The following MYOM3 variants were observed in gnomAD, a reference collection of about 807,000 sequenced individuals.
The protein encoded by MYOM3 is myomesin-3.
In MYOM3, 155 loss-of-function variants were observed where a neutral mutation model predicts 191.7. The ratio of observed to expected loss-of-function variants is 0.81; its 90% CI spans 0.71 to 0.92. The LOEUF is 0.92. Ranked by LOEUF, MYOM3 falls within the 40% of genes least tolerant of loss-of-function variation. The pLI is 0.00. For missense variants in MYOM3, 1,889 were observed against 1,890.6 expected (o/e 1.00, Z 0.02); for synonymous variants, 757 against 762.9 (o/e 0.99, Z 0.13).
intron 36 of MYOM3, among the ~76,000 whole-genome samples, chr1:24,058,256 T>G (rs949948728): frequency 6.6e-6 from 1 of 152,236 alleles, no homozygotes; most frequent in African/African-American, 2.4e-5. Flanking sequence ...AGTAAGATTA[T>G]ATAGATTTAG....
At chr1:24,094,431 T>A (rs1298330844) in intron 9 of MYOM3, among the ~76,000 whole-genome samples, 1 of 151,762 alleles carries the variant, frequency 6.6e-6, no homozygotes, top group Admixed American at 6.6e-5. Flanking sequence ...CCTCCCAGAG[T>A]GCTAGGATTA....
rs1164499848 is a variant in MYOM3, at chr1:24,093,087, C to T, written c.950G>A (p.Arg317Lys). ...GTCTGTGTAGAGGATCTTCCGACGT[C>T]TCGAGGACCTCAGTAGGCTCCCTGT... ...FRDGSLLRSSRRRKILYTDRQ... is the reference protein window; with the variant it reads ...FRDGSLLRSSKRRKILYTDRQ... Residue 317 changes from arginine (R) to lysine (K), a missense_variant, in exon 10 of 37, where the codon AGA (arginine) becomes AAA (lysine). Arg to Lys is a conservative substitution (Grantham distance 26, BLOSUM62 2). Transcript: ENST00000374434. The T allele has an allele frequency of 1.2e-6, 2 of 1,610,462 alleles. No individual in the cohort carries two copies.
At chr1:24,103,145 C>A (rs779138461) in intron 5 of MYOM3, among the ~76,000 whole-genome samples, 2 of 152,234 alleles carry the variant, frequency 1.3e-5, no homozygotes, top group African/African-American at 2.4e-5. Flanking sequence ...AAGAGGCTTC[C>A]AAGAATGCCT....
At chr1:24,064,238 C>T in intron 29 of MYOM3, 79 bp from the exon 30 acceptor site, 1 of 1,118,166 alleles carries the variant, frequency 8.9e-7, no homozygotes, top group Non-Finnish European at 1.3e-6. Flanking sequence ...GAGGCCTGGG[C>T]TCCAGGCCTG....
chr1:24,063,537 G>T lies in MYOM3; in HGVS notation c.3623-7C>A, dbSNP rs1288193345. ...GTGAAGATGGCATCCAGGGCTGGCG[G>T]GAAACAGAGAGAAGGGTTAGCTGGC... On this transcript the variant is annotated splice_polypyrimidine_tract_variant and splice_region_variant and intron_variant, in intron 30 of 36. Coordinates refer to ENST00000374434, the MANE Select transcript of MYOM3 (RefSeq NM_152372.4). The surrounding 1 kb of genome is among the most constrained non-coding windows in gnomAD (Gnocchi z 4.5). 1.2e-6 allele frequency: 2 copies of T among 1,614,094 alleles called. No homozygotes were observed. The highest frequency in any genetic ancestry group is 1.7e-6 in the Non-Finnish European group (2 of 1,179,986).
At chr1:24,099,647 G>A (rs757689597) in intron 6 of MYOM3, 33 bp downstream of exon 6, 5 of 1,550,302 alleles carry the variant, frequency 3.2e-6, no homozygotes, top group Non-Finnish European at 4.5e-6. Flanking sequence ...GCAGGGTCTG[G>A]GGTCATAGGT....
At chr1:24,075,234 G>A (rs2148547853) in intron 22 of MYOM3, 85 bp downstream of exon 22, 4 of 1,389,854 alleles carry the variant, frequency 2.9e-6, no homozygotes, top group Non-Finnish European at 4.0e-6. Flanking sequence ...GTCCTGCCCT[G>A]TGGTCTCAGC....
At chr1:24,069,877 C>T (rs2148545392) in intron 25 of MYOM3, among the ~76,000 whole-genome samples, 1 of 151,670 alleles carries the variant, frequency 6.6e-6, no homozygotes, top group African/African-American at 2.4e-5. Context: ...TCCCAATGTG[C>T]TGGGATTTCA....
chr1:24,107,057 C>T lies in MYOM3; in HGVS notation c.402+16G>A, dbSNP rs762047377. The T allele has an allele frequency of 3.8e-6, 6 of 1,593,872 alleles. No individual in the cohort carries two copies. The highest frequency in any genetic ancestry group is 2.3e-5 in the South Asian group (2 of 87,580). ...GCAGGTCCCAGGCCCTGGGGCTCCA[C>T]GGCCCACCCCCTTACCCGCCGCCTC... On this transcript the variant is annotated intron_variant, in intron 4 of 36. Coordinates refer to ENST00000374434, the MANE Select transcript of MYOM3 (RefSeq NM_152372.4).
intron 14 of MYOM3, among the ~76,000 whole-genome samples, chr1:24,089,082 T>C (rs1376883547): frequency 1.3e-5 from 2 of 152,108 alleles, no homozygotes; most frequent in African/African-American, 2.4e-5. Context: ...CACTCCCCAG[T>C]GAGAGCCACC....
intron 14 of MYOM3, among the ~76,000 whole-genome samples, chr1:24,088,558 G>A (rs1463708877): frequency 2.0e-5 from 3 of 152,136 alleles, no homozygotes; most frequent in Non-Finnish European, 4.4e-5. Context: ...CTACCACCTT[G>A]TGAAACAAAT....
chr1:24,079,568 C>T (rs1372558380), intron 20 of MYOM3, among the ~76,000 whole-genome samples: 1 of 152,138 alleles, frequency 6.6e-6, no homozygotes, highest in Non-Finnish European at 1.5e-5. Flanking sequence ...GCACAGGATT[C>T]TACTTTTAAG....
chr1:24,070,781 C>T (rs1293542742), intron 25 of MYOM3, among the ~76,000 whole-genome samples: 2 of 151,970 alleles, frequency 1.3e-5, no homozygotes, highest in African/African-American at 2.4e-5. Context: ...TAGAGTCTAG[C>T]CTTGGATAAT....
chr1:24,081,301 A>T, intron 19 of MYOM3, 29 bp downstream of exon 19: 3 of 1,611,836 alleles, frequency 1.9e-6, no homozygotes, highest in Non-Finnish European at 2.5e-6. Context: ...AAGGGCAGGC[A>T]CTGGACTTCA....
chr1:24,061,231 AG>A, intron 34 of MYOM3, 41 bp downstream of exon 34: 1 of 1,612,992 alleles, frequency 6.2e-7, no homozygotes, highest in Non-Finnish European at 8.5e-7. Flanking sequence ...CACACCCTGA[AG>A]GGGCCTATAA....
At position 24,082,729 on chromosome 1, in the gene MYOM3, T is replaced by G. The variant is rs74061472; in HGVS notation, c.1971-15A>C. 6.3e-6 allele frequency: 10 copies of G among 1,586,832 alleles called. No individual in the cohort carries two copies. In the African/African-American group the frequency reaches 1.4e-4, roughly 22 times the overall value. ...GAACTGTAAACCTGGGAGAGAAATGTGCAGCTTTCATGGATGTACAAACAG... is the reference window on the plus strand; with the variant it reads ...GAACTGTAAACCTGGGAGAGAAATGGGCAGCTTTCATGGATGTACAAACAG... On this transcript the variant is annotated splice_polypyrimidine_tract_variant and intron_variant, in intron 16 of 36. Transcript: ENST00000374434.
At chr1:24,102,681 C>CA (rs1198693310) in intron 5 of MYOM3, among the ~76,000 whole-genome samples, 2 of 151,928 alleles carry the variant, frequency 1.3e-5, no homozygotes, top group African/African-American at 2.4e-5. Flanking sequence ...ACTCTGTCTA[C>CA]AAAAAAATTG....
intron 15 of MYOM3, 80 bp from the exon 16 acceptor site, chr1:24,084,719 G>A: frequency 1.5e-6 from 2 of 1,342,596 alleles, no homozygotes; most frequent in Non-Finnish European, 2.1e-6. Flanking sequence ...GGAGCATGGG[G>A]AGAGGCCAGA....
In MYOM3 at chr1:24,056,385, TA is replaced by T. The variant is rs1214939664; in HGVS notation, c.*978del. On this transcript the variant is annotated 3_prime_UTR_variant, in exon 37 of 37. Transcript: ENST00000374434. The stretch of plus-strand genomic sequence containing the variant: ...TCCCATTACCACCACAAAATCGGAC[TA>T]ATTTTTCAGGGCCCAACACCAATTC... 3.3e-5 allele frequency: 5 copies of T among 152,248 alleles called. No individual in the cohort carries two copies. Among genetic ancestry groups the T allele is most frequent in the African/African-American group, 1.2e-4 (5 of 41,440 alleles). The allele number at this position is 152,248 out of a possible 1,614,324, so 9.4% of individuals were successfully genotyped here.
Sources: allele counts gnomAD v4.1 joint callset (sites outside exome capture counted in the v4.1 genomes callset), GRCh38; gene constraint gnomAD v4.1.1; non-coding constraint Gnocchi (gnomAD v3.1); transcripts MANE v1.5; gene names NCBI Gene and HGNC (gene_info 2026-07-23, HGNC 2026-07-21).